DCAF6: variants seen among roughly 807,000 people sequenced by gnomAD.
The protein encoded by DCAF6 is DDB1- and CUL4-associated factor 6.
DCAF6 carries 54 observed loss-of-function variants against 125.1 expected under a neutral mutation model. The observed-to-expected ratio is 0.43, with a 90% CI of 0.35 to 0.54. The LOEUF (loss-of-function observed/expected upper bound fraction) is 0.54, where lower values mean the gene tolerates loss of function less well. Among genes scored for constraint, DCAF6 ranks in the 20% least tolerant of loss-of-function variants. The pLI, the probability that DCAF6 is intolerant of heterozygous loss-of-function variation, is 0.01. For missense variants in DCAF6, 934 were observed against 1,161.7 expected, an observed-to-expected ratio of 0.80 and a Z score of 2.85; for synonymous variants, 371 against 390.4, an observed-to-expected ratio of 0.95 and a Z score of 0.58.
At chr1:168,053,095 TC>T (rs1305051990) in intron 17 of DCAF6, among the ~76,000 whole-genome samples, 1 of 152,166 alleles carries the variant, frequency 6.6e-6, no homozygotes, top group Non-Finnish European at 1.5e-5. Context: ...AGAAAAGACC[TC>T]CTATCACTAT....
intron 2 of DCAF6, among the ~76,000 whole-genome samples, chr1:167,955,851 C>T (rs1206652419): frequency 2.6e-5 from 4 of 152,178 alleles, no homozygotes; most frequent in African/African-American, 9.7e-5. Context: ...GCCTCGACCT[C>T]CTGGGCTCAA....
chr1:167,979,194 AATTTATTTTTTAGAAAATTAAATC>A (rs1319448123), intron 4 of DCAF6, among the ~76,000 whole-genome samples: 2 of 152,160 alleles, frequency 1.3e-5, no homozygotes, highest in South Asian at 2.1e-4. Context: ...GTGTTAACAT[AATTTATTTTTTAGAAAATTAAATC>A]AAAATCCAAA....
chr1:167,970,957 G>T (rs909751192), intron 3 of DCAF6, among the ~76,000 whole-genome samples: 2 of 152,118 alleles, frequency 1.3e-5, no homozygotes, highest in Non-Finnish European at 2.9e-5. Context: ...ATAGGTGAAA[G>T]AGAAGGAAGC....
At chr1:167,955,730 A>C (rs202270) in intron 2 of DCAF6, among the ~76,000 whole-genome samples, 139 of 152,232 alleles carry the variant, frequency 9.1e-4, no homozygotes, top group African/African-American at 3.2e-3. Context: ...ATAAGATTGA[A>C]TAGAAGGAGT....
chr1:168,043,224 T>TTG, intron 14 of DCAF6, 84 bp downstream of exon 14: 1 of 1,019,142 alleles, frequency 9.8e-7, no homozygotes, highest in Admixed American at 2.2e-5. Context: ...ATGCTGTATT[T>TTG]TGTTTCTTGT....
the DCAF6 span, among the ~76,000 whole-genome samples, chr1:167,915,504 G>A: frequency 6.6e-6 from 1 of 152,306 alleles, no homozygotes; most frequent in African/African-American, 2.4e-5. Context: ...AGGCTGGAGT[G>A]CAATGGCGTG....
chr1:167,907,182 G>A, the DCAF6 span, among the ~76,000 whole-genome samples: 2 of 152,220 alleles, frequency 1.3e-5, no homozygotes, highest in Non-Finnish European at 2.9e-5. Context: ...AACAAGAGAT[G>A]GGCTGGAATA....
At chr1:167,899,375 C>T in the DCAF6 span, 27 of 1,588,858 alleles carry the variant, frequency 1.7e-5, no homozygotes, top group African/African-American at 4.0e-5. Context: ...CAGGGGGCCT[C>T]TGTTACAGGC....
intron 17 of DCAF6, among the ~76,000 whole-genome samples, chr1:168,051,902 A>G (rs1689987194): frequency 1.4e-5 from 2 of 144,262 alleles, no homozygotes; most frequent in Admixed American, 1.4e-4. Context: ...TTTCCCCAAG[A>G]TGTAGCCTTG....
the DCAF6 span, among the ~76,000 whole-genome samples, chr1:167,925,447 A>ATATATATATATATG: frequency 8.0e-5 from 7 of 87,334 alleles, no homozygotes; most frequent in Non-Finnish European, 1.5e-4. Flanking sequence ...ATACACATAT[A>ATATATATATATATG]TATATATATA....
chr1:168,015,183 A>G lies in DCAF6; in HGVS notation c.1379-598A>G, dbSNP rs77647203. ...GTTATTTTTCTACTTTTCATCTGTG[A>G]TCACTTCAGATAAAGGTTAAGAAAA... On this transcript the variant is annotated intron_variant, in intron 10 of 21. Coordinates refer to ENST00000367840, the MANE Select transcript of DCAF6 (RefSeq NM_001198956.2). 6.7e-3 allele frequency among the ~76,000 whole-genome samples: 1,018 copies of G among 152,308 alleles called. 3 individuals carry two copies. Among genetic ancestry groups the G allele is most frequent in the Admixed American group, 0.011 (175 of 15,294 alleles).
intron 16 of DCAF6, 95 bp from the exon 17 acceptor site, chr1:168,050,797 A>G (rs986336396): frequency 1.1e-5 from 7 of 640,724 alleles, no homozygotes; most frequent in East Asian, 9.7e-5. Flanking sequence ...TTAAATTGAG[A>G]TGATTGATGA....
At chr1:167,938,667 G>A (rs1249135075) in intron 1 of DCAF6, among the ~76,000 whole-genome samples, 1 of 152,138 alleles carries the variant, frequency 6.6e-6, no homozygotes, top group Admixed American at 6.5e-5. Flanking sequence ...TAAAACAAAC[G>A]TTAACATTGT....
At chr1:167,936,169 C>G, upstream of DCAF6, 1 of 300,994 alleles carries the variant, frequency 3.3e-6, no homozygotes, top group Non-Finnish European at 6.4e-6. Flanking sequence ...AGCGCGCTTG[C>G]GCAGGCCGAG....
At chr1:168,065,491 AT>A in intron 18 of DCAF6, 98 bp from the exon 19 acceptor site, 1 of 968,972 alleles carries the variant, frequency 1.0e-6, no homozygotes, top group Non-Finnish European at 1.5e-6. Context: ...TTTTTAAAAA[AT>A]GTAAGAATTA....
At chr1:167,940,737 A>C (rs1035658127) in intron 1 of DCAF6, among the ~76,000 whole-genome samples, 2 of 152,118 alleles carry the variant, frequency 1.3e-5, no homozygotes, top group African/African-American at 4.8e-5. Flanking sequence ...TTCTACTCAT[A>C]TTTCTTTCCT....
intron 2 of DCAF6, among the ~76,000 whole-genome samples, chr1:167,962,208 A>G (rs1438940731): frequency 2.6e-5 from 4 of 152,074 alleles, no homozygotes; most frequent in African/African-American, 9.7e-5. Flanking sequence ...CGTTATATTC[A>G]GGTAATTGAT....
chr1:167,988,893 A>G (rs1389239968), intron 5 of DCAF6, among the ~76,000 whole-genome samples: 3 of 152,106 alleles, frequency 2.0e-5, no homozygotes, highest in Non-Finnish European at 4.4e-5. Context: ...AGCCTGGTCA[A>G]CATAGTGAAA....
the DCAF6 span, among the ~76,000 whole-genome samples, chr1:167,923,789 T>G: frequency 5.3e-5 from 8 of 152,138 alleles, no homozygotes; most frequent in Non-Finnish European, 1.2e-4. Context: ...CAGAGCTCAC[T>G]GGACTCCACA....
Sources: allele counts gnomAD v4.1 joint callset (sites outside exome capture counted in the v4.1 genomes callset), GRCh38; gene constraint gnomAD v4.1.1; transcripts MANE v1.5; gene names NCBI Gene and HGNC (gene_info 2026-07-23, HGNC 2026-07-21).